The following PCDHGA10 variants were observed in gnomAD, a reference collection of about 807,000 sequenced individuals.
PCDHGA10 encodes protocadherin gamma-A10.
Under a neutral mutation model 59.5 loss-of-function variants are expected in PCDHGA10, and 42 were observed. The observed-to-expected ratio is 0.71, with a 90% confidence interval of 0.55 to 0.91. PCDHGA10 has a LOEUF of 0.91. PCDHGA10 is among the 40% of genes least tolerant of loss of function. The pLI is 0.00. For missense variants in PCDHGA10, 1,111 were observed against 1,198.2 expected, an observed-to-expected ratio of 0.93 and a Z score of 1.07; for synonymous variants, 511 against 517.2, an observed-to-expected ratio of 0.99 and a Z score of 0.16.
intron 1 of PCDHGA10, chr5:141,419,517 G>A: frequency 6.2e-7 from 1 of 1,612,224 alleles, no homozygotes; most frequent in South Asian, 1.1e-5. Context: ...GTGTTGGTGG[G>A]CGACCGTAAC....
At position 141,421,139 on chromosome 5, in the gene PCDHGA10, A is replaced by T. The variant is rs2096548615; in HGVS notation, c.2436+5528A>T. Reference sequence around the variant, plus strand: ...TCCTTCGCTTTCTGATATATTTTGGATGTAGTCGGCCTAGGACTTCATAGA... The same window carrying T: ...TCCTTCGCTTTCTGATATATTTTGGTTGTAGTCGGCCTAGGACTTCATAGA... On this transcript the variant is annotated intron_variant, in intron 1 of 3. Transcript: ENST00000398610. 5 of 913,574 alleles carry T rather than the reference A, an allele frequency of 5.5e-6. No individual in the cohort carries two copies. The South Asian group carries it at 8.8e-5, about 16-fold the overall frequency. 56.6% of individuals were successfully genotyped at this position (913,574 alleles called of 1,614,324 possible). A position where few individuals can be genotyped will look rare whatever the true frequency, so the allele number is the denominator to read the frequency against.
At chr5:141,505,241 T>C in intron 2 of PCDHGA10, 152 bp from the exon 3 acceptor site, 3 of 1,396,292 alleles carry the variant, frequency 2.1e-6, no homozygotes, top group South Asian at 1.4e-5. Flanking sequence ...TTCTGAAGGA[T>C]TGTAGAAGTG....
intron 1 of PCDHGA10, among the ~76,000 whole-genome samples, chr5:141,456,083 G>A (rs2098842632): frequency 6.6e-6 from 1 of 151,960 alleles, no homozygotes; most frequent in South Asian, 2.1e-4. Context: ...ATTTTCAGTA[G>A]AGACGGGATT....
At chr5:141,439,207 C>A (rs1003519997) in intron 1 of PCDHGA10, among the ~76,000 whole-genome samples, 1 of 149,828 alleles carries the variant, frequency 6.7e-6, no homozygotes, top group Non-Finnish European at 1.5e-5. Context: ...AAAAAAAAAT[C>A]CATATGTGAA....
At chr5:141,469,079 C>T (rs1169035651) in intron 1 of PCDHGA10, among the ~76,000 whole-genome samples, 1 of 151,492 alleles carries the variant, frequency 6.6e-6, no homozygotes, top group Non-Finnish European at 1.5e-5. Context: ...GAGTTTGAGA[C>T]CATTCTAGGC....
At chr5:141,466,794 T>C (rs1487051313) in intron 1 of PCDHGA10, among the ~76,000 whole-genome samples, 2 of 152,226 alleles carry the variant, frequency 1.3e-5, no homozygotes, top group Non-Finnish European at 2.9e-5. Context: ...TGCCTCAAAC[T>C]AGATCCTATT....
chr5:141,478,199 C>T lies in PCDHGA10; in HGVS notation c.2437-16608C>T, dbSNP rs759439765. 3.7e-6 allele frequency: 6 copies of T among 1,614,056 alleles called. No homozygotes were observed. The Middle Eastern group carries it at 6.6e-4, about 178-fold the overall frequency. On this transcript the variant is annotated intron_variant, in intron 1 of 3. Coordinates refer to ENST00000398610, the MANE Select transcript of PCDHGA10 (RefSeq NM_018913.3). ...GAAAAAAAATCTCACCTTTTATCTA[C>T]TTCTTTCTCTAATCCTGGTTTCTGT...
chr5:141,413,111 AG>A lies in PCDHGA10; in HGVS notation c.-63del, dbSNP rs962952666. ...ACACCCTGAAGCCACAGAAAGACAA[AG>A]GAACCGGTTGAAACACACAACGTGT... On this transcript the variant is annotated 5_prime_UTR_variant, in exon 1 of 4. Transcript: ENST00000398610. 4.7e-6 allele frequency: 7 copies of A among 1,499,852 alleles called. No individual in the cohort carries two copies. In the African/African-American group the frequency reaches 8.4e-5, roughly 18 times the overall value. 92.9% of individuals were successfully genotyped at this position (1,499,852 alleles called of 1,614,324 possible). A position where few individuals can be genotyped will look rare whatever the true frequency, so the allele number is the denominator to read the frequency against.
At chr5:141,429,039 A>G (rs565483195) in intron 1 of PCDHGA10, 1 of 152,202 alleles carries the variant, frequency 6.6e-6, no homozygotes, top group East Asian at 1.9e-4. Flanking sequence ...CATTTTTAGT[A>G]CAGACGGGGT....
intron 1 of PCDHGA10, chr5:141,417,977 G>A (rs752463782): frequency 6.2e-7 from 1 of 1,613,872 alleles, no homozygotes; most frequent in Admixed American, 1.7e-5. Flanking sequence ...GATTCCGGAG[G>A]AGCTGGCCAA....
At position 141,489,384 on chromosome 5, in the gene PCDHGA10, T is replaced by G; in HGVS notation, c.2437-5423T>G. The G allele has an allele frequency of 6.2e-7, 1 of 1,613,986 alleles. No individual in the cohort carries two copies. The highest frequency in any genetic ancestry group is 1.3e-5 in the African/African-American group (1 of 75,042). On this transcript the variant is annotated intron_variant, in intron 1 of 3. Transcript: ENST00000398610. This position sits in a 1 kb window ranked among gnomAD's most constrained non-coding sequence, Gnocchi z 4.5. ...AGCCGGGGACGCTGGTGGGGAATGT[T>G]GCTCAGGATCTGGGCTTAAAGATGA...
intron 3 of PCDHGA10, among the ~76,000 whole-genome samples, chr5:141,507,817 G>C (rs1038461861): frequency 3.3e-5 from 5 of 152,206 alleles, no homozygotes; most frequent in Non-Finnish European, 5.9e-5. Context: ...AACGGACCCT[G>C]GGGGTGGAGG....
chr5:141,456,042 C>T (rs1437027249), intron 1 of PCDHGA10, among the ~76,000 whole-genome samples: 3 of 151,886 alleles, frequency 2.0e-5, no homozygotes, highest in Non-Finnish European at 2.9e-5. Flanking sequence ...GGACTACAGG[C>T]GCCCACCACC....
intron 1 of PCDHGA10, chr5:141,428,516 G>A (rs763205471): frequency 3.6e-6 from 1 of 281,256 alleles, no homozygotes; most frequent in Non-Finnish European, 7.0e-6. Context: ...TCTAGAAAAA[G>A]AAGATTTAAT....
At position 141,470,874 on chromosome 5, in the gene PCDHGA10, T is replaced by G. The variant is rs146599745; in HGVS notation, c.2437-23933T>G. ...AGATAAGTTTTTTGTTTGTTTGTTT[T>G]TTTGTTTTTGTTTTTGTTTTTTGTA... On this transcript the variant is annotated intron_variant, in intron 1 of 3. Coordinates refer to ENST00000398610, the MANE Select transcript of PCDHGA10 (RefSeq NM_018913.3). 1.4e-3 allele frequency among the ~76,000 whole-genome samples: 218 copies of G among 151,820 alleles called. 1 individual carries two copies. Among genetic ancestry groups the G allele is most frequent in the Middle Eastern group, 0.01 (3 of 294 alleles).
chr5:141,427,839 G>T, intron 1 of PCDHGA10: 1 of 1,547,310 alleles, frequency 6.5e-7, no homozygotes, highest in Non-Finnish European at 8.8e-7. Flanking sequence ...GCGTGCCTTC[G>T]ACCACGAGCA....
At chr5:141,471,309 C>T (rs140651182) in intron 1 of PCDHGA10, 8,212 of 152,202 alleles carry the variant, frequency 0.054, 462 homozygotes, top group African/African-American at 0.15. Flanking sequence ...ACTCGGCCTC[C>T]CAAAGTGCTG....
chr5:141,415,377 C>A lies in PCDHGA10; in HGVS notation c.2202C>A (p.Gly734=). The change falls in exon 1 of 4, where the codon GGC becomes GGA. Residue 734 remains glycine (G), a synonymous_variant. Transcript: ENST00000398610. ...HKSRLLQASG[G]GLTGVSGSHF... ...CACGCCTGCTGCAGGCTTCAGGAGG[C>A]GGCTTGACAGGTGTGTCCGGCTCGC... 1.2e-6 allele frequency: 2 copies of A among 1,614,236 alleles called. No homozygotes were observed. The highest frequency in any genetic ancestry group is 1.7e-6 in the Non-Finnish European group (2 of 1,180,036).
At chr5:141,425,521 C>A (rs2096880944) in intron 1 of PCDHGA10, among the ~76,000 whole-genome samples, 1 of 152,210 alleles carries the variant, frequency 6.6e-6, no homozygotes, top group Non-Finnish European at 1.5e-5. Flanking sequence ...TATGATGAAA[C>A]ATGAAACAAT....
Sources: allele counts gnomAD v4.1 joint callset (sites outside exome capture counted in the v4.1 genomes callset), GRCh38; gene constraint gnomAD v4.1.1; non-coding constraint Gnocchi (gnomAD v3.1); transcripts MANE v1.5; gene names NCBI Gene and HGNC (gene_info 2026-07-23, HGNC 2026-07-21).